The following STARD13 variants were observed in gnomAD, a reference collection of about 807,000 sequenced individuals.
STARD13 encodes the protein StAR related lipid transfer domain containing 13, also known as stAR-related lipid transfer protein 13.
A neutral mutation model predicts 106.4 loss-of-function variants in STARD13; 62 were observed. That is an observed-to-expected ratio of 0.58 (90% CI 0.48 to 0.72). The LOEUF (loss-of-function observed/expected upper bound fraction) is 0.72. STARD13 is among the 30% of genes least tolerant of loss of function. The pLI, the probability that STARD13 is intolerant of heterozygous loss-of-function variation, is 0.00. For missense variants in STARD13, 1,387 were observed against 1,424.0 expected, an observed-to-expected ratio of 0.97 and a Z score of 0.42; for synonymous variants, 565 against 553.0, an observed-to-expected ratio of 1.02 and a Z score of -0.31.
chr13:33,303,336 C>T (rs1384860087), intron 1 of STARD13, among the ~76,000 whole-genome samples: 1 of 152,168 alleles, frequency 6.6e-6, no homozygotes, highest in Admixed American at 6.6e-5. Context: ...CTCAGAGAGG[C>T]AGTGTGGTAT....
chr13:33,228,681 C>T (rs937106962), intron 1 of STARD13, among the ~76,000 whole-genome samples: 1 of 152,226 alleles, frequency 6.6e-6, no homozygotes, highest in Admixed American at 6.5e-5. Flanking sequence ...CTAATTCGGA[C>T]ATGGGTCACA....
At chr13:33,451,790 G>T in the STARD13 span, among the ~76,000 whole-genome samples, 1 of 152,104 alleles carries the variant, frequency 6.6e-6, no homozygotes, top group Non-Finnish European at 1.5e-5. Flanking sequence ...TAAGATTGAA[G>T]AAGAGCAGCC....
At chr13:33,454,721 A>G in the STARD13 span, among the ~76,000 whole-genome samples, 1 of 152,190 alleles carries the variant, frequency 6.6e-6, no homozygotes, top group Non-Finnish European at 1.5e-5. Context: ...TCTATGCAAG[A>G]GAGTGGCATG....
chr13:33,394,754 C>A, the STARD13 span, among the ~76,000 whole-genome samples: 1 of 152,168 alleles, frequency 6.6e-6, no homozygotes, highest in African/African-American at 2.4e-5. Flanking sequence ...TCCACTGGCA[C>A]AGAGGTGTGA....
chr13:33,532,465 C>A, the STARD13 span, among the ~76,000 whole-genome samples: 7 of 152,188 alleles, frequency 4.6e-5, no homozygotes, highest in South Asian at 1.2e-3. Context: ...TATGTAACTT[C>A]TAATCTTTTT....
chr13:33,465,660 C>T, the STARD13 span, among the ~76,000 whole-genome samples: 1 of 152,150 alleles, frequency 6.6e-6, no homozygotes, highest in African/African-American at 2.4e-5. Context: ...TCACTCTCCT[C>T]ATTTGCTCCA....
At chr13:33,532,398 T>C in the STARD13 span, among the ~76,000 whole-genome samples, 5 of 152,080 alleles carry the variant, frequency 3.3e-5, no homozygotes, top group Non-Finnish European at 7.4e-5. Flanking sequence ...TGTGGTAGAG[T>C]GTCTTGATAT....
chr13:33,407,922 G>A, the STARD13 span, among the ~76,000 whole-genome samples: 1 of 152,180 alleles, frequency 6.6e-6, no homozygotes, highest in African/African-American at 2.4e-5. Context: ...AATAATTGTA[G>A]CAATGTATTT....
At chr13:33,217,453 G>T (rs1043665506) in intron 1 of STARD13, among the ~76,000 whole-genome samples, 1 of 152,184 alleles carries the variant, frequency 6.6e-6, no homozygotes. Flanking sequence ...ACTGAGCAAT[G>T]TCAGACTGAG....
At chr13:33,400,695 C>T in the STARD13 span, among the ~76,000 whole-genome samples, 1 of 152,088 alleles carries the variant, frequency 6.6e-6, no homozygotes, top group African/African-American at 2.4e-5. Flanking sequence ...GATCTCCTGA[C>T]GTCGTGATCC....
At chr13:33,581,991 C>A in the STARD13 span, among the ~76,000 whole-genome samples, 1 of 151,970 alleles carries the variant, frequency 6.6e-6, no homozygotes, top group East Asian at 1.9e-4. Flanking sequence ...GAGGCCGAGG[C>A]GAGCAGATCA....
upstream of STARD13, among the ~76,000 whole-genome samples, chr13:33,352,018 A>G (rs917195940): frequency 2.6e-5 from 4 of 152,258 alleles, no homozygotes; most frequent in Non-Finnish European, 5.9e-5. Flanking sequence ...AAATATTTAA[A>G]AATGTTAACT....
At chr13:33,519,665 A>G in the STARD13 span, among the ~76,000 whole-genome samples, 2 of 152,142 alleles carry the variant, frequency 1.3e-5, no homozygotes, top group Non-Finnish European at 2.9e-5. Flanking sequence ...TTTTTTAGCA[A>G]TGACCAACTT....
the STARD13 span, among the ~76,000 whole-genome samples, chr13:33,520,311 C>T: frequency 2.6e-5 from 4 of 152,136 alleles, no homozygotes; most frequent in Admixed American, 6.5e-5. Context: ...TGGCCACATG[C>T]GGTTGTGACT....
chr13:33,560,675 C>T, the STARD13 span, among the ~76,000 whole-genome samples: 1 of 151,546 alleles, frequency 6.6e-6, no homozygotes, highest in Non-Finnish European at 1.5e-5. Context: ...TGTAAGCCCA[C>T]AAGCTATCCA....
the STARD13 span, among the ~76,000 whole-genome samples, chr13:33,662,123 G>A: frequency 6.6e-6 from 1 of 151,830 alleles, no homozygotes; most frequent in African/African-American, 2.4e-5. Flanking sequence ...TTAGCTGGGC[G>A]TGGTGGTGGG....
the STARD13 span, among the ~76,000 whole-genome samples, chr13:33,590,160 C>T: frequency 4.3e-4 from 65 of 152,286 alleles, no homozygotes; most frequent in Middle Eastern, 3.4e-3. Flanking sequence ...TACCATCTCA[C>T]ACCAGTTAGA....
chr13:33,293,866 G>T lies in STARD13; in HGVS notation c.124+56424C>A, dbSNP rs896288988. On this transcript the variant is annotated intron_variant, in intron 1 of 5. Coordinates refer to the STARD13 transcript ENST00000567873. ...TTTGGGCTTCAGACTGGCTCTCCTT[G>T]CTCCTCAGCTTGCAGACAGCCAATT... 1.5e-4 allele frequency among the ~76,000 whole-genome samples: 23 copies of T among 152,282 alleles called. No homozygotes were observed. In the East Asian group the frequency reaches 3.1e-3, roughly 20 times the overall value.
At chr13:33,108,418 T>C (rs1874064370) in intron 12 of STARD13, among the ~76,000 whole-genome samples, 1 of 152,178 alleles carries the variant, frequency 6.6e-6, no homozygotes, top group Admixed American at 6.5e-5. Context: ...TCTTCAAGTC[T>C]TGGATCAAAA....
Sources: gnomAD v4.1 joint callset for allele counts (sites outside exome capture counted in the v4.1 genomes callset) on GRCh38, gnomAD v4.1.1 for gene constraint, MANE v1.5 for transcripts, NCBI Gene and HGNC (gene_info 2026-07-23, HGNC 2026-07-21) for gene names.